COL24A1: variants seen among roughly 807,000 people sequenced by gnomAD.
COL24A1 encodes collagen type XXIV alpha 1 chain.
A neutral mutation model predicts 253.9 loss-of-function variants in COL24A1; 224 were observed. The ratio of observed to expected loss-of-function variants is 0.88; its 90% CI spans 0.79 to 0.99. The LOEUF (loss-of-function observed/expected upper bound fraction) is 0.99. Among genes scored for constraint, COL24A1 ranks in the 50% least tolerant of loss-of-function variants. The pLI, the probability that COL24A1 is intolerant of heterozygous loss-of-function variation, is 0.00. For synonymous variants in COL24A1, 685 were observed against 673.7 expected (o/e 1.02, Z -0.26); for missense variants, 2,131 against 2,068.5 (o/e 1.03, Z -0.59).
intron 19 of COL24A1, among the ~76,000 whole-genome samples, chr1:85,993,892 CTTGT>C (rs2100988604): frequency 6.6e-6 from 1 of 151,938 alleles, no homozygotes; most frequent in South Asian, 2.1e-4. Context: ...CAGATTTTGG[CTTGT>C]TTTAGAGGTA....
At chr1:86,099,718 T>C (rs1704279160) in intron 5 of COL24A1, among the ~76,000 whole-genome samples, 2 of 152,094 alleles carry the variant, frequency 1.3e-5, no homozygotes, top group Admixed American at 1.3e-4. Context: ...TGCTAATACC[T>C]TTATCCATGC....
chr1:86,020,115 T>G (rs1697379733), intron 18 of COL24A1, among the ~76,000 whole-genome samples: 1 of 137,192 alleles, frequency 7.3e-6, no homozygotes, highest in African/African-American at 2.7e-5. Context: ...TCGCTCAAGC[T>G]GGAGTCCAGT....
At chr1:86,100,643 A>G (rs1160193907) in intron 5 of COL24A1, among the ~76,000 whole-genome samples, 1 of 152,128 alleles carries the variant, frequency 6.6e-6, no homozygotes, top group Admixed American at 6.5e-5. Flanking sequence ...AGCTTTCAGC[A>G]TTGGGGTCTG....
At chr1:85,773,855 C>G (rs941737689) in intron 53 of COL24A1, among the ~76,000 whole-genome samples, 3 of 152,078 alleles carry the variant, frequency 2.0e-5, no homozygotes, top group South Asian at 2.1e-4. Context: ...ATTTGAATAC[C>G]CTTTATTTCT....
chr1:85,735,357 C>T (rs531943570), intron 58 of COL24A1, among the ~76,000 whole-genome samples: 1 of 152,264 alleles, frequency 6.6e-6, no homozygotes, highest in Admixed American at 6.5e-5. Context: ...ATAATTTTCA[C>T]AGTATATAAA....
chr1:86,120,018 C>T (rs766725664), intron 3 of COL24A1, among the ~76,000 whole-genome samples: 8 of 152,078 alleles, frequency 5.3e-5, no homozygotes, highest in Non-Finnish European at 1.0e-4. Flanking sequence ...CTTTCACAAA[C>T]CTGACAAAAA....
chr1:86,113,028 A>C (rs1380074838), intron 4 of COL24A1, among the ~76,000 whole-genome samples: 1 of 152,230 alleles, frequency 6.6e-6, no homozygotes, highest in Non-Finnish European at 1.5e-5. Flanking sequence ...AAATTCTTTG[A>C]AAAGAGACTC....
intron 19 of COL24A1, among the ~76,000 whole-genome samples, chr1:86,003,748 T>C (rs369996252): frequency 3.3e-5 from 5 of 151,890 alleles, no homozygotes; most frequent in South Asian, 4.2e-4. Context: ...CAGTAATCAA[T>C]GGCATGGCTA....
chr1:86,117,332 T>C (rs1254970236), intron 3 of COL24A1, among the ~76,000 whole-genome samples: 1 of 152,238 alleles, frequency 6.6e-6, no homozygotes, highest in Admixed American at 6.5e-5. Flanking sequence ...TTCATTTTCC[T>C]CTTCCACCAT....
intron 47 of COL24A1, among the ~76,000 whole-genome samples, chr1:85,799,960 G>A (rs1174551092): frequency 6.6e-6 from 1 of 152,138 alleles, no homozygotes; most frequent in African/African-American, 2.4e-5. Context: ...TAACATTACT[G>A]TAATCCATTT....
rs533684198 is a variant in COL24A1, at chr1:85,868,798, C to G, written c.3176G>C (p.Gly1059Ala). 6.3e-7 allele frequency: 1 copy of G among 1,586,106 alleles called. No homozygotes were observed. The highest frequency in any genetic ancestry group is 1.8e-5 in the Admixed American group (1 of 56,948). Residue 1059 changes from glycine to alanine, a missense_variant, in exon 36 of 60, where the codon GGA becomes GCA. Physicochemically the swap from Gly to Ala is moderately conservative, Grantham distance 60. Coordinates refer to ENST00000370571, the MANE Select transcript of COL24A1 (RefSeq NM_152890.7). ...PGAPGEEGLQ[G>A]KDGLKGVPGG... ...ATAATTTACCTTTAACCCATCTTTTCCCTGGAGACCTTCTTCTCCAGGAGC... is the reference window on the plus strand; with the variant it reads ...ATAATTTACCTTTAACCCATCTTTTGCCTGGAGACCTTCTTCTCCAGGAGC...
intron 51 of COL24A1, among the ~76,000 whole-genome samples, chr1:85,781,508 AC>A (rs939010723): frequency 2.0e-5 from 3 of 152,182 alleles, no homozygotes; most frequent in Non-Finnish European, 2.9e-5. Context: ...TTTCTAAAAA[AC>A]TGATGAATTA....
At chr1:86,038,215 ACC>A (rs1374585744) in intron 12 of COL24A1, among the ~76,000 whole-genome samples, 37 of 152,298 alleles carry the variant, frequency 2.4e-4, no homozygotes, top group African/African-American at 6.5e-4. Context: ...TAATTCTATT[ACC>A]TCAGGAAGAA....
intron 14 of COL24A1, among the ~76,000 whole-genome samples, 183 bp from the exon 15 acceptor site, chr1:86,023,190 T>C (rs1261132445): frequency 6.6e-6 from 1 of 152,196 alleles, no homozygotes; most frequent in East Asian, 1.9e-4. Flanking sequence ...TTTCAAACCT[T>C]AGTGAAGTCC....
intron 58 of COL24A1, chr1:85,736,374 C>G: frequency 2.2e-6 from 1 of 456,288 alleles, no homozygotes; most frequent in Non-Finnish European, 4.4e-6. Flanking sequence ...TTCCTCTGCA[C>G]AGTTCACACA....
chr1:86,078,250 C>T lies in COL24A1; in HGVS notation c.1707+10924G>A, dbSNP rs537169775. Among the ~76,000 whole-genome samples the T allele has an allele frequency of 4.6e-5, 7 of 152,184 alleles. No individual in the cohort carries two copies. The South Asian group carries it at 1.2e-3, about 27-fold the overall frequency. Reference sequence around the variant, plus strand: ...AAAAGGCATTTGATAAAGTTCAACACCCCTTCTTGGTAAAAAAAATACCCT... The same window carrying T: ...AAAAGGCATTTGATAAAGTTCAACATCCCTTCTTGGTAAAAAAAATACCCT... On this transcript the variant is annotated intron_variant, in intron 7 of 59. Transcript: ENST00000370571.
chr1:85,962,284 G>T (rs927409408), intron 23 of COL24A1, among the ~76,000 whole-genome samples: 4 of 152,106 alleles, frequency 2.6e-5, no homozygotes, highest in African/African-American at 7.2e-5. Flanking sequence ...ACAAAATTTT[G>T]CAATCCATAA....
chr1:85,972,516 G>A (rs943496967), intron 20 of COL24A1, among the ~76,000 whole-genome samples: 1 of 152,138 alleles, frequency 6.6e-6, no homozygotes, highest in African/African-American at 2.4e-5. Flanking sequence ...ATTTTTAAAA[G>A]TAAGATATGG....
intron 7 of COL24A1, among the ~76,000 whole-genome samples, chr1:86,066,305 C>G (rs1031944744): frequency 7.3e-6 from 1 of 137,030 alleles, no homozygotes; most frequent in East Asian, 2.3e-4. Context: ...GTGGCACGAT[C>G]TCGGCTCACT....
Sources: gnomAD v4.1 joint callset for allele counts (sites outside exome capture counted in the v4.1 genomes callset) on GRCh38, gnomAD v4.1.1 for gene constraint, MANE v1.5 for transcripts, NCBI Gene and HGNC (gene_info 2026-07-23, HGNC 2026-07-21) for gene names.